TRIM55: variants seen among roughly 807,000 people sequenced by gnomAD.
TRIM55 encodes the protein tripartite motif-containing protein 55.
A neutral mutation model predicts 60.9 loss-of-function variants in TRIM55; 50 were observed. The ratio of observed to expected loss-of-function variants is 0.82; its 90% CI spans 0.65 to 1.04. The LOEUF (loss-of-function observed/expected upper bound fraction) is 1.04, where lower values mean the gene tolerates loss of function less well. Ranked by LOEUF, TRIM55 falls within the 50% of genes least tolerant of loss-of-function variation. The pLI is 0.00. For missense variants in TRIM55, 681 were observed against 666.9 expected (o/e 1.02, Z -0.23); for synonymous variants, 237 against 238.1 (o/e 1.00, Z 0.04).
intron 4 of TRIM55, among the ~76,000 whole-genome samples, chr8:66,144,909 T>A (rs557894907): frequency 6.6e-6 from 1 of 152,308 alleles, no homozygotes; most frequent in South Asian, 2.1e-4. Context: ...TTTTTCCTAT[T>A]CCATTTTTCA....
intron 9 of TRIM55, among the ~76,000 whole-genome samples, chr8:66,168,354 T>TGTAA (rs1243292140): frequency 6.6e-6 from 1 of 152,274 alleles, no homozygotes; most frequent in Non-Finnish European, 1.5e-5. Flanking sequence ...GTTAGGAATC[T>TGTAA]GTAACACCTA....
At chr8:66,114,021 G>A in the TRIM55 span, among the ~76,000 whole-genome samples, 3 of 151,078 alleles carry the variant, frequency 2.0e-5, no homozygotes, top group East Asian at 5.9e-4. Context: ...GCGGAGGACT[G>A]TAGGCGCGCG....
At chr8:66,152,266 A>AG (rs1285193592) in intron 7 of TRIM55, 111 bp from the exon 8 acceptor site, 14 of 1,427,276 alleles carry the variant, frequency 9.8e-6, no homozygotes, top group African/African-American at 1.4e-5. Context: ...TGTCTGTCAG[A>AG]GAAAAACTCC....
At position 66,161,875 on chromosome 8, in the gene TRIM55, CCT is replaced by C. The variant is rs567941949; in HGVS notation, c.1524+7542_1524+7543del. Among the ~76,000 whole-genome samples the C allele has an allele frequency of 2.3e-4, 35 of 150,276 alleles. 1 individual carries two copies. In the South Asian group the frequency reaches 7.4e-3, roughly 32 times the overall value. On this transcript the variant is annotated intron_variant, in intron 9 of 9. Transcript: ENST00000315962. ...TGATTTGTGTATGTTAATTTTGTAT[CCT>C]GAAACTTTGCTGAATTCATTTACCA...
intron 4 of TRIM55, among the ~76,000 whole-genome samples, chr8:66,148,768 G>T (rs928253439): frequency 6.6e-6 from 1 of 152,136 alleles, no homozygotes; most frequent in African/African-American, 2.4e-5. Flanking sequence ...CATGATTAAG[G>T]CCGGGCACGG....
Position 66,145,939 on chromosome 8 carries a change from G to A in TRIM55, c.604-3706G>A, listed in dbSNP as rs563385991. The stretch of plus-strand genomic sequence containing the variant: ...CAGGAGTTCAAAGACCTTGACTGTA[G>A]GCCAGGCACCAATAATAAATGGTCG... On this transcript the variant is annotated intron_variant, in intron 4 of 9. Transcript: ENST00000315962. Among the ~76,000 whole-genome samples the A allele has an allele frequency of 2.0e-5, 3 of 152,328 alleles. No individual in the cohort carries two copies. The South Asian group carries it at 6.2e-4, about 32-fold the overall frequency.
intron 9 of TRIM55, among the ~76,000 whole-genome samples, chr8:66,167,165 A>G (rs1296438097): frequency 6.6e-6 from 1 of 151,904 alleles, no homozygotes; most frequent in Non-Finnish European, 1.5e-5. Flanking sequence ...TCTATGAACA[A>G]CTCTTGGCAC....
chr8:66,113,357 C>A, the TRIM55 span: 2 of 368,092 alleles, frequency 5.4e-6, no homozygotes, highest in Non-Finnish European at 1.1e-5. Context: ...CGCCGACACA[C>A]GTACACGTCC....
chr8:66,141,155 C>G (rs1031157871), intron 4 of TRIM55, among the ~76,000 whole-genome samples: 1 of 152,188 alleles, frequency 6.6e-6, no homozygotes, highest in Non-Finnish European at 1.5e-5. Context: ...ACACTGTGGA[C>G]TCCTTGTTAT....
chr8:66,137,429 T>C (rs1287578601), intron 4 of TRIM55, among the ~76,000 whole-genome samples: 1 of 152,236 alleles, frequency 6.6e-6, no homozygotes, highest in African/African-American at 2.4e-5. Flanking sequence ...TGTGTTGTTC[T>C]TTCTTCCTTT....
At chr8:66,149,342 A>G (rs747335513) in intron 4 of TRIM55, among the ~76,000 whole-genome samples, 28 of 152,246 alleles carry the variant, frequency 1.8e-4, no homozygotes, top group Non-Finnish European at 3.7e-4. Flanking sequence ...CAAATATAAT[A>G]TAAAAGAAAA....
At chr8:66,125,235 A>G (rs200057953), upstream of TRIM55, among the ~76,000 whole-genome samples, 13 of 152,288 alleles carry the variant, frequency 8.5e-5, 1 homozygote, top group East Asian at 2.5e-3. Flanking sequence ...CTCGATTGAG[A>G]CCTGTCTCAG....
At chr8:66,141,763 A>T (rs1198100806) in intron 4 of TRIM55, among the ~76,000 whole-genome samples, 2 of 152,220 alleles carry the variant, frequency 1.3e-5, no homozygotes, top group Non-Finnish European at 2.9e-5. Flanking sequence ...GAGCATTTCC[A>T]ATCTCTGAAA....
At chr8:66,147,470 G>A (rs1333449798) in intron 4 of TRIM55, among the ~76,000 whole-genome samples, 1 of 151,930 alleles carries the variant, frequency 6.6e-6, no homozygotes, top group African/African-American at 2.4e-5. Context: ...GAGAATAGTA[G>A]AGAAATTGAG....
At chr8:66,172,329 G>A (rs1285382869) in intron 9 of TRIM55, among the ~76,000 whole-genome samples, 2 of 152,180 alleles carry the variant, frequency 1.3e-5, no homozygotes, top group Non-Finnish European at 2.9e-5. Context: ...TTGCTGAGCT[G>A]GTTGTTGGGT....
chr8:66,154,299 G>T lies in TRIM55; in HGVS notation c.1489G>T (p.Gly497Cys), dbSNP rs761651022. Residue 497 changes from glycine to cysteine, a missense_variant, in exon 9 of 10, where the codon GGT (glycine) becomes TGT (cysteine). Coordinates refer to ENST00000315962, the MANE Select transcript of TRIM55 (RefSeq NM_184085.2). ...AAASERAAVS[G>C]KETSAPAATS... is the part of the protein sequence containing the mutation. ...AGCGAGTGAGAGGGCAGCTGTGAGT[G>T]GTAAGGAAACTAGTGCACCTGCAGC... 8.1e-6 allele frequency: 13 copies of T among 1,613,944 alleles called. No individual in the cohort carries two copies. The highest frequency in any genetic ancestry group is 5.0e-5 in the Admixed American group (3 of 60,004).
Position 66,174,643 on chromosome 8 carries a change from G to A in TRIM55, c.*50G>A. On this transcript the variant is annotated 3_prime_UTR_variant, in exon 10 of 10. Coordinates refer to ENST00000315962, the MANE Select transcript of TRIM55 (RefSeq NM_184085.2). ...TGTCTGCCTGGCTGAGATGCATGTG[G>A]GCAGCAGGAAGCCCAAGTGAAATTA... is the stretch of plus-strand genomic sequence containing the variant. 1 of 1,512,034 alleles carries A rather than the reference G, an allele frequency of 6.6e-7. No homozygotes were observed. Among genetic ancestry groups the A allele is most frequent in the Non-Finnish European group, 8.8e-7 (1 of 1,133,346 alleles). The allele number at this position is 1,512,034 out of a possible 1,614,324, so 93.7% of individuals were successfully genotyped here.
intron 2 of TRIM55, among the ~76,000 whole-genome samples, chr8:66,133,493 A>C (rs1339439577): frequency 6.6e-6 from 1 of 152,192 alleles, no homozygotes. Context: ...AATTTTCTCA[A>C]TTGTGGAGTT....
At chr8:66,133,909 A>G (rs1291000334) in intron 2 of TRIM55, among the ~76,000 whole-genome samples, 2 of 152,176 alleles carry the variant, frequency 1.3e-5, no homozygotes, top group Non-Finnish European at 2.9e-5. Context: ...ATATACACAC[A>G]CATATGTATA....
Sources: allele counts gnomAD v4.1 joint callset (sites outside exome capture counted in the v4.1 genomes callset), GRCh38; gene constraint gnomAD v4.1.1; transcripts MANE v1.5; gene names NCBI Gene and HGNC (gene_info 2026-07-23, HGNC 2026-07-21).